GLS: variants seen among roughly 807,000 people sequenced by gnomAD.
GLS encodes glutaminase kidney isoform, mitochondrial.
In GLS, 36 loss-of-function variants were observed where a neutral mutation model predicts 86.7. That is an observed-to-expected ratio of 0.42 (90% CI 0.32 to 0.55). The LOEUF (loss-of-function observed/expected upper bound fraction) is 0.55. Ranked by LOEUF, GLS falls within the 20% of genes least tolerant of loss-of-function variation. GLS has a pLI of 0.17. For missense variants in GLS, 528 were observed against 833.4 expected, an observed-to-expected ratio of 0.63 and a Z score of 4.51; for synonymous variants, 317 against 305.9, an observed-to-expected ratio of 1.04 and a Z score of -0.38.
chr2:190,964,979 A>ATCTT lies in GLS; in HGVS notation c.*1995_*1998dup, dbSNP rs748076474. The ATCTT allele has an allele frequency of 5.3e-5, 8 of 152,264 alleles. No homozygotes were observed. Among genetic ancestry groups the ATCTT allele is most frequent in the South Asian group, 4.2e-4 (2 of 4,818 alleles). The allele number at this position is 152,264 out of a possible 1,614,324, so 9.4% of individuals were successfully genotyped here. On this transcript the variant is annotated 3_prime_UTR_variant, in exon 18 of 18. Transcript: ENST00000320717. This position sits in a 1 kb window ranked among gnomAD's most constrained non-coding sequence, Gnocchi z 5.2. Reference sequence around the variant, plus strand: ...TTTCAGATCAAAACCATTCTGTAAAATCTTTGTTGTTTAATTAAATGTGCC... The same window carrying ATCTT: ...TTTCAGATCAAAACCATTCTGTAAAATCTTTCTTTGTTGTTTAATTAAATGTGCC...
Position 190,917,559 on chromosome 2 carries a change from GTTTAC to G in GLS, c.1039-3461_1039-3457del, listed in dbSNP as rs1442380341. ...GTGAATCTTTTCCAGAAGATTTTCA[GTTTAC>G]TTTGCCCAGATCCATTAGACAAATC... is the stretch of plus-strand genomic sequence containing the variant. On this transcript the variant is annotated intron_variant, in intron 7 of 17. Transcript: ENST00000320717. Among the ~76,000 whole-genome samples the G allele has an allele frequency of 2.0e-5, 3 of 152,146 alleles. No individual in the cohort carries two copies. In the East Asian group the frequency reaches 5.8e-4, roughly 29 times the overall value.
At position 190,951,251 on chromosome 2, in the gene GLS, G is replaced by A. The variant is rs1690711341; in HGVS notation, c.1651-2314G>A. ...TCGTGAGAGGGTGGAGGGTGCTGGG[G>A]GGATCTGAAGGAATCAGGGCTTAGG... On this transcript the variant is annotated intron_variant, in intron 14 of 17. Coordinates refer to ENST00000320717, the MANE Select transcript of GLS (RefSeq NM_014905.5). The surrounding 1 kb of genome is among the most constrained non-coding windows in gnomAD (Gnocchi z 4.2). 6.6e-6 allele frequency among the ~76,000 whole-genome samples: 1 copy of A among 152,086 alleles called. No homozygotes were observed. Among genetic ancestry groups the A allele is most frequent in the Admixed American group, 6.6e-5 (1 of 15,264 alleles).
In GLS at chr2:190,938,285, A is replaced by T. The variant is rs1439394862; in HGVS notation, c.1650+6648A>T. On this transcript the variant is annotated intron_variant, in intron 14 of 17. Transcript: ENST00000320717. The surrounding 1 kb of genome is among the most constrained non-coding windows in gnomAD (Gnocchi z 4.1). ...GGAAGGCTTAGCTTTTGAAAGAAAA[A>T]ATTCTTACCCAAAGTAGTTTTTAAA... is the stretch of plus-strand genomic sequence containing the variant. Among the ~76,000 whole-genome samples, 1 of 151,538 alleles carries T rather than the reference A, an allele frequency of 6.6e-6. No homozygotes were observed. Among genetic ancestry groups the T allele is most frequent in the East Asian group, 1.9e-4 (1 of 5,202 alleles).
At chr2:190,906,617 C>A (rs1689145715) in intron 6 of GLS, among the ~76,000 whole-genome samples, 1 of 152,156 alleles carries the variant, frequency 6.6e-6, no homozygotes, top group Non-Finnish European at 1.5e-5. Flanking sequence ...TGAGCCAACA[C>A]CCTGAGTCTT....
rs1350653930 is a variant in GLS at position 190,923,962 on chromosome 2, A to G, written c.1176A>G (p.Gly392=). 2.6e-6 allele frequency: 4 copies of G among 1,514,850 alleles called. No individual in the cohort carries two copies. The highest frequency in any genetic ancestry group is 3.6e-6 in the Non-Finnish European group (4 of 1,100,990). The allele number at this position is 1,514,850 out of a possible 1,614,324, so 93.8% of individuals were successfully genotyped here. The change falls in exon 10 of 18, where the codon GGA becomes GGG. Residue 392 remains glycine (G), a synonymous_variant. Transcript: ENST00000320717. ...GTGGAGATCGAAATTTTGCAATAGG[A>G]TATTACTTAAAAGAAAAGAAGGTTT... The part of the protein sequence containing the change: ...RESGDRNFAI[G]YYLKEKKCFP...
At chr2:190,940,249 A>G (rs1292059167) in intron 14 of GLS, among the ~76,000 whole-genome samples, 1 of 152,016 alleles carries the variant, frequency 6.6e-6, no homozygotes, top group Non-Finnish European at 1.5e-5. Flanking sequence ...AATGAACTAA[A>G]TAATACTGTT....
intron 3 of GLS, among the ~76,000 whole-genome samples, chr2:190,898,075 C>T (rs1044509819): frequency 5.9e-5 from 9 of 152,074 alleles, no homozygotes; most frequent in African/African-American, 1.7e-4. Context: ...TTTCTTTATT[C>T]GTGCATTTTT....
In GLS at chr2:190,895,065, T is replaced by G; in HGVS notation, c.387-87T>G. 1.5e-6 allele frequency: 1 copy of G among 656,980 alleles called. No individual in the cohort carries two copies. The highest frequency in any genetic ancestry group is 2.8e-6 in the Non-Finnish European group (1 of 358,868). 40.7% of individuals were successfully genotyped at this position (656,980 alleles called of 1,614,324 possible). On this transcript the variant is annotated intron_variant, in intron 1 of 17. Coordinates refer to ENST00000320717, the MANE Select transcript of GLS (RefSeq NM_014905.5). The surrounding 1 kb of genome is among the most constrained non-coding windows in gnomAD (Gnocchi z 4.2). ...TATATGAGCTCAGCTGTAGTCTAGT[T>G]TAGTGGTTATTTAACAATGGATTTA...
In GLS at chr2:190,929,812, A is replaced by G. The variant is rs1407625737; in HGVS notation, c.1426-625A>G. ...AACATGTTGATAAAAATTTATCTAC[A>G]ATATTTTTAATGTTGAAATTCTATG... On this transcript the variant is annotated intron_variant, in intron 12 of 17. Coordinates refer to ENST00000320717, the MANE Select transcript of GLS (RefSeq NM_014905.5). 2.6e-5 allele frequency among the ~76,000 whole-genome samples: 4 copies of G among 151,934 alleles called. No homozygotes were observed. The East Asian group carries it at 7.8e-4, about 30-fold the overall frequency.
chr2:190,923,897 G>GTT lies in GLS; in HGVS notation c.1131-12_1131-11dup. 20 of 1,456,130 alleles carry GTT rather than the reference G, an allele frequency of 1.4e-5. No individual in the cohort carries two copies. The highest frequency in any genetic ancestry group is 1.6e-5 in the Non-Finnish European group (17 of 1,048,428). The allele number at this position is 1,456,130 out of a possible 1,614,324, so 90.2% of individuals were successfully genotyped here. ...TTTAAAGAAAGTACATAGAGCAAAT[G>GTT]TTTTTTTTTCTTCTTCCAGGTTTCA... On this transcript the variant is annotated intron_variant, in intron 9 of 17. Coordinates refer to ENST00000320717, the MANE Select transcript of GLS (RefSeq NM_014905.5).
rs116763482 is a variant in GLS, at chr2:190,897,625, T to G, written c.605+1900T>G. On this transcript the variant is annotated intron_variant, in intron 3 of 17. Transcript: ENST00000320717. This position sits in a 1 kb window ranked among gnomAD's most constrained non-coding sequence, Gnocchi z 4.3. Reference sequence around the variant, plus strand: ...AAACCTCCAACTGTTAACCTTTTAATAGCTTTCAGTCACCTGGAAAGGTGA... The same window carrying G: ...AAACCTCCAACTGTTAACCTTTTAAGAGCTTTCAGTCACCTGGAAAGGTGA... Among the ~76,000 whole-genome samples the G allele has an allele frequency of 1.1e-4, 17 of 152,314 alleles. No homozygotes were observed. The highest frequency in any genetic ancestry group is 2.4e-4 in the African/African-American group (10 of 41,578).
chr2:190,924,111 G>A lies in GLS; in HGVS notation c.1197+128G>A, dbSNP rs950710501. On this transcript the variant is annotated intron_variant, in intron 10 of 17. Transcript: ENST00000320717. This position sits in a 1 kb window ranked among gnomAD's most constrained non-coding sequence, Gnocchi z 5.2. ...TACTATTTAAGGTGCAGAAGTTTTT[G>A]CAGAGTGCTCGTGAGTCAGTGTTAT... The A allele has an allele frequency of 8.2e-6, 5 of 609,820 alleles. No individual in the cohort carries two copies. Among genetic ancestry groups the A allele is most frequent in the African/African-American group, 7.6e-5 (4 of 52,488 alleles). 37.8% of individuals were successfully genotyped at this position (609,820 alleles called of 1,614,324 possible).
chr2:190,941,074 GGTTC>G (rs1243127812), intron 14 of GLS, among the ~76,000 whole-genome samples: 16 of 152,176 alleles, frequency 1.1e-4, no homozygotes, highest in South Asian at 8.3e-4. Flanking sequence ...TTCACTGATA[GGTTC>G]TTATTCAACT....
chr2:190,930,705 A>G lies in GLS; in HGVS notation c.1557+137A>G. 1 of 671,764 alleles carries G rather than the reference A, an allele frequency of 1.5e-6. No homozygotes were observed. The highest frequency in any genetic ancestry group is 2.4e-6 in the Non-Finnish European group (1 of 412,278). 41.6% of individuals were successfully genotyped at this position (671,764 alleles called of 1,614,324 possible). On this transcript the variant is annotated intron_variant, in intron 13 of 17. Transcript: ENST00000320717. The surrounding 1 kb of genome is among the most constrained non-coding windows in gnomAD (Gnocchi z 5.0). ...TGTGCCAGTTACTAGGGAGCCGTGG[A>G]AATACTCCCAGAGGAGCTTCAAGTT...
chr2:190,904,852 T>TA (rs1352945955), intron 5 of GLS, 152 bp from the exon 6 acceptor site: 9 of 612,818 alleles, frequency 1.5e-5, no homozygotes, highest in Admixed American at 3.0e-5. Context: ...TGACTGTACT[T>TA]AAATTTATTC....
Position 190,921,176 on chromosome 2 carries a change from A to G in GLS, c.1103A>G (p.Asn368Ser), listed in dbSNP as rs1689722753. ...VMQFLNKMAG[N>S]EYVGFSNATF... Reference sequence around the variant, plus strand: ...CAGTTTTTGAATAAGATGGCTGGTAATGAATATGTTGGATTCAGTAATGCA... The same window carrying G: ...CAGTTTTTGAATAAGATGGCTGGTAGTGAATATGTTGGATTCAGTAATGCA... The change falls in exon 9 of 18, where the codon AAT (asparagine) becomes AGT (serine). Residue 368 changes from asparagine (N) to serine (S), a missense_variant. Coordinates refer to ENST00000320717, the MANE Select transcript of GLS (RefSeq NM_014905.5). The surrounding 1 kb of genome is among the most constrained non-coding windows in gnomAD (Gnocchi z 4.2). The G allele has an allele frequency of 6.2e-7, 1 of 1,608,962 alleles. No individual in the cohort carries two copies. The highest frequency in any genetic ancestry group is 8.5e-7 in the Non-Finnish European group (1 of 1,175,730).
intron 5 of GLS, among the ~76,000 whole-genome samples, chr2:190,904,265 A>G (rs1689053373): frequency 6.6e-6 from 1 of 151,998 alleles, no homozygotes; most frequent in Non-Finnish European, 1.5e-5. Context: ...CTTTTTAACC[A>G]TGGTTTAGTC....
rs1472336339 is a variant in GLS, at chr2:190,935,675, A to G, written c.1650+4038A>G. On this transcript the variant is annotated intron_variant, in intron 14 of 17. Coordinates refer to ENST00000320717, the MANE Select transcript of GLS (RefSeq NM_014905.5). This position sits in a 1 kb window ranked among gnomAD's most constrained non-coding sequence, Gnocchi z 4.2. ...GAATATTGTTGTTATTCACTATGTA[A>G]CTCTCATTTTATCTGTTGTTGCCTA... is the stretch of plus-strand genomic sequence containing the variant. Among the ~76,000 whole-genome samples the G allele has an allele frequency of 1.3e-5, 2 of 151,196 alleles. No homozygotes were observed. Among genetic ancestry groups the G allele is most frequent in the East Asian group, 3.9e-4 (2 of 5,192 alleles).
intron 17 of GLS, among the ~76,000 whole-genome samples, chr2:190,960,763 C>T (rs183497040): frequency 3.0e-4 from 46 of 152,254 alleles, no homozygotes; most frequent in African/African-American, 9.1e-4. Flanking sequence ...CAGTGTCTGA[C>T]AAATGTTAGC....
Sources: allele counts gnomAD v4.1 joint callset (sites outside exome capture counted in the v4.1 genomes callset), GRCh38; gene constraint gnomAD v4.1.1; non-coding constraint Gnocchi (gnomAD v3.1); transcripts MANE v1.5; gene names NCBI Gene and HGNC (gene_info 2026-07-23, HGNC 2026-07-21).